CNTN6: variants seen among roughly 807,000 people sequenced by gnomAD.
CNTN6 encodes the protein contactin 6, also known as contactin-6.
A neutral mutation model predicts 122.8 loss-of-function variants in CNTN6; 137 were observed. The observed-to-expected ratio is 1.12, with a 90% CI of 0.97 to 1.29. CNTN6 has a LOEUF of 1.29. Ranked by LOEUF, CNTN6 falls within the 50% of genes most tolerant of loss-of-function variation. The pLI is 0.00. For synonymous variants in CNTN6, 570 were observed against 426.0 expected (o/e 1.34, Z -4.16); for missense variants, 1,634 against 1,223.4 (o/e 1.34, Z -5.01).
In CNTN6 at chr3:1,191,571, G is replaced by A. The variant is rs539421437; in HGVS notation, c.56-29116G>A. 1.1e-4 allele frequency among the ~76,000 whole-genome samples: 17 copies of A among 152,158 alleles called. No homozygotes were observed. In the South Asian group the frequency reaches 1.2e-3, roughly 11 times the overall value. On this transcript the variant is annotated intron_variant, in intron 2 of 22. Transcript: ENST00000446702. ...TACCTTTTCAGCCAGCTGTTTATTCGTATCTTTGTAAAAACCTGTAAATGT... is the reference window on the plus strand; with the variant it reads ...TACCTTTTCAGCCAGCTGTTTATTCATATCTTTGTAAAAACCTGTAAATGT...
At chr3:1,283,052 A>ACT (rs1693740991) in intron 5 of CNTN6, among the ~76,000 whole-genome samples, 1 of 152,032 alleles carries the variant, frequency 6.6e-6, no homozygotes, top group African/African-American at 2.4e-5. Flanking sequence ...GGCTCACTGC[A>ACT]ATCTCCACCT....
At position 1,324,091 on chromosome 3, in the gene CNTN6, A is replaced by G. The variant is rs977716900; in HGVS notation, c.947-1724A>G. ...CCAGAAACATGATTCAATTTCACCAATAGATCTAGTTCTTCTAAGTTTTGC... is the reference window on the plus strand; with the variant it reads ...CCAGAAACATGATTCAATTTCACCAGTAGATCTAGTTCTTCTAAGTTTTGC... On this transcript the variant is annotated intron_variant, in intron 8 of 22. Coordinates refer to ENST00000446702, the MANE Select transcript of CNTN6 (RefSeq NM_001289080.2). 1.7e-4 allele frequency among the ~76,000 whole-genome samples: 25 copies of G among 149,610 alleles called. 2 individuals carry two copies. The highest frequency in any genetic ancestry group is 6.4e-4 in the African/African-American group (25 of 39,286).
chr3:1,297,638 CTTT>C (rs71303106), intron 6 of CNTN6, among the ~76,000 whole-genome samples: 196 of 138,548 alleles, frequency 1.4e-3, no homozygotes, highest in South Asian at 5.4e-3. Context: ...TTGTTTTTTT[CTTT>C]TTTTTTTTTT....
chr3:1,210,124 A>C (rs909738539), intron 2 of CNTN6, among the ~76,000 whole-genome samples: 1 of 152,186 alleles, frequency 6.6e-6, no homozygotes, highest in Non-Finnish European at 1.5e-5. Context: ...AACCCTTCAA[A>C]AGATAAACAT....
intron 4 of CNTN6, among the ~76,000 whole-genome samples, chr3:1,238,158 G>C (rs963583796): frequency 2.0e-5 from 3 of 152,086 alleles, no homozygotes; most frequent in African/African-American, 7.2e-5. Context: ...GAATAAACGA[G>C]AATTCTCCAA....
intron 4 of CNTN6, among the ~76,000 whole-genome samples, chr3:1,237,375 C>G (rs1306272841): frequency 1.3e-5 from 2 of 151,898 alleles, no homozygotes; most frequent in Admixed American, 1.3e-4. Context: ...AAAAAATGAG[C>G]AAAGCTTCCA....
At chr3:1,298,154 A>AGTATTAGACATGTTTGT in intron 7 of CNTN6, 163 bp downstream of exon 7, 1 of 574,636 alleles carries the variant, frequency 1.7e-6, no homozygotes, top group Non-Finnish European at 3.1e-6. Context: ...AACATGTCTA[A>AGTATTAGACATGTTTGT]TACTGAGACA....
At chr3:1,299,419 A>G (rs762131033) in intron 7 of CNTN6, among the ~76,000 whole-genome samples, 7 of 152,214 alleles carry the variant, frequency 4.6e-5, no homozygotes, top group Non-Finnish European at 7.3e-5. Context: ...GCATCAGGAA[A>G]TATAGATTCC....
intron 1 of CNTN6, among the ~76,000 whole-genome samples, chr3:1,121,408 C>T (rs1004844432): frequency 6.6e-6 from 1 of 151,832 alleles, no homozygotes; most frequent in Non-Finnish European, 1.5e-5. Flanking sequence ...GCTCATGTTG[C>T]AAGATGGATA....
intron 2 of CNTN6, among the ~76,000 whole-genome samples, chr3:1,200,880 TTA>T (rs2093854244): frequency 6.6e-6 from 1 of 152,084 alleles, no homozygotes; most frequent in Non-Finnish European, 1.5e-5. Flanking sequence ...ATGCATTTAC[TTA>T]CCCTATACTC....
At chr3:1,398,180 A>G (rs745421849) in intron 20 of CNTN6, among the ~76,000 whole-genome samples, 9 of 152,172 alleles carry the variant, frequency 5.9e-5, no homozygotes, top group African/African-American at 9.6e-5. Context: ...TCAAGATGAT[A>G]GAAATTTTAA....
intron 4 of CNTN6, among the ~76,000 whole-genome samples, chr3:1,268,955 G>C (rs947354128): frequency 2.6e-5 from 4 of 152,024 alleles, no homozygotes; most frequent in Non-Finnish European, 5.9e-5. Context: ...CACTCCAGCC[G>C]AGGCAAGAGA....
At chr3:1,375,319 C>T (rs752264887) in intron 16 of CNTN6, among the ~76,000 whole-genome samples, 1 of 152,180 alleles carries the variant, frequency 6.6e-6, no homozygotes, top group South Asian at 2.1e-4. Context: ...TTAATACTCT[C>T]TTGTTTCAGT....
At chr3:1,212,437 C>T (rs58269524) in intron 2 of CNTN6, among the ~76,000 whole-genome samples, 16,653 of 150,252 alleles carry the variant, frequency 0.11, 1,775 homozygotes, top group East Asian at 0.49. Context: ...TATGTATACA[C>T]ATATAGTTTT....
At chr3:1,096,205 T>G (rs1221963704) in intron 1 of CNTN6, among the ~76,000 whole-genome samples, 2 of 152,158 alleles carry the variant, frequency 1.3e-5, no homozygotes, top group Non-Finnish European at 2.9e-5. Context: ...TTTCCGTCAT[T>G]GAATGTGACT....
At chr3:1,166,083 T>G (rs1325593830) in intron 2 of CNTN6, among the ~76,000 whole-genome samples, 1 of 152,216 alleles carries the variant, frequency 6.6e-6, no homozygotes, top group East Asian at 1.9e-4. Flanking sequence ...TCAGTGCTCA[T>G]TTCTCAGTGC....
At chr3:1,289,917 G>A (rs1017287080) in intron 5 of CNTN6, among the ~76,000 whole-genome samples, 23 of 152,164 alleles carry the variant, frequency 1.5e-4, no homozygotes, top group Admixed American at 1.2e-3. Context: ...CTCGTGATCC[G>A]CCCGCCTCGG....
At chr3:1,307,101 C>A (rs187401363) in intron 7 of CNTN6, among the ~76,000 whole-genome samples, 28 of 152,074 alleles carry the variant, frequency 1.8e-4, no homozygotes, top group African/African-American at 6.5e-4. Flanking sequence ...ATAAAGGCCC[C>A]GGGGAGGTTG....
intron 16 of CNTN6, 95 bp downstream of exon 16, chr3:1,374,168 G>T: frequency 2.3e-6 from 3 of 1,307,378 alleles, no homozygotes; most frequent in South Asian, 1.9e-5. Flanking sequence ...TAATACTTTT[G>T]GCTCAAAATT....
Sources: gnomAD v4.1 joint callset for allele counts (sites outside exome capture counted in the v4.1 genomes callset) on GRCh38, gnomAD v4.1.1 for gene constraint, MANE v1.5 for transcripts, NCBI Gene and HGNC (gene_info 2026-07-23, HGNC 2026-07-21) for gene names.